GDPD5: variants seen among roughly 807,000 people sequenced by gnomAD.
The protein encoded by GDPD5 is glycerophosphodiester phosphodiesterase 2.
In GDPD5, 48 loss-of-function variants were observed where a neutral mutation model predicts 75.1. The ratio of observed to expected loss-of-function variants is 0.64; its 90% CI spans 0.51 to 0.81. GDPD5 has a LOEUF of 0.81. Ranked by LOEUF, GDPD5 falls within the 40% of genes least tolerant of loss-of-function variation. The pLI is 0.00. For missense variants in GDPD5, 706 were observed against 822.6 expected (o/e 0.86, Z 1.73); for synonymous variants, 336 against 339.0 (o/e 0.99, Z 0.10).
chr11:75,442,672 G>C, intron 11 of GDPD5, 91 bp from the exon 12 acceptor site: 1 of 1,166,640 alleles, frequency 8.6e-7, no homozygotes, highest in African/African-American at 1.5e-5. Flanking sequence ...GGAGACCCCT[G>C]GGCTGCCAGA....
rs367897649 is a variant in GDPD5 at position 75,441,850 on chromosome 11, C to T, written c.1168-47G>A. On this transcript the variant is annotated intron_variant, in intron 12 of 16. Coordinates refer to ENST00000336898, the MANE Select transcript of GDPD5 (RefSeq NM_030792.8). ...CCTCAGACTTCTCTTCTGCACGATG[C>T]GTAAGAGTACCTACTCCTCCTAGAG... The T allele has an allele frequency of 1.5e-5, 24 of 1,549,366 alleles. No individual in the cohort carries two copies. The African/African-American group carries it at 2.2e-4, about 14-fold the overall frequency.
chr11:75,484,120 G>A (rs961776734), intron 2 of GDPD5, among the ~76,000 whole-genome samples: 6 of 152,154 alleles, frequency 3.9e-5, no homozygotes, highest in Non-Finnish European at 8.8e-5. Context: ...CCCAGGAGGC[G>A]GAGGTTGCAG....
chr11:75,483,740 A>G (rs1453513267), intron 2 of GDPD5, among the ~76,000 whole-genome samples: 3 of 152,238 alleles, frequency 2.0e-5, no homozygotes, highest in African/African-American at 7.2e-5. Context: ...ACTTCACAAA[A>G]GGCCACATAT....
chr11:75,519,316 C>G lies in GDPD5; in HGVS notation c.-145+5894G>C, dbSNP rs552102711. ...ACCACCTCCAGGAAGGCTTCCCTGA[C>G]TCCCCTCCCCACCCAGCGCCGGGCA... On this transcript the variant is annotated intron_variant, in intron 1 of 16. Coordinates refer to ENST00000336898, the MANE Select transcript of GDPD5 (RefSeq NM_030792.8). Among the ~76,000 whole-genome samples the G allele has an allele frequency of 1.2e-3, 182 of 152,282 alleles. 1 individual carries two copies. The highest frequency in any genetic ancestry group is 4.3e-3 in the African/African-American group (180 of 41,548).
intron 3 of GDPD5, among the ~76,000 whole-genome samples, chr11:75,472,579 A>G (rs1469075326): frequency 6.6e-6 from 1 of 152,052 alleles, no homozygotes; most frequent in East Asian, 1.9e-4. Flanking sequence ...CAGCACCAAG[A>G]ACACAGCACA....
chr11:75,453,995 A>C (rs1365647679), intron 6 of GDPD5, among the ~76,000 whole-genome samples: 1 of 152,226 alleles, frequency 6.6e-6, no homozygotes, highest in Non-Finnish European at 1.5e-5. Flanking sequence ...CACAAAACCA[A>C]GGAGTCATCA....
At chr11:75,521,841 T>A (rs1941470063) in intron 1 of GDPD5, among the ~76,000 whole-genome samples, 1 of 151,876 alleles carries the variant, frequency 6.6e-6, no homozygotes, top group African/African-American at 2.4e-5. Context: ...TGTGGTGTGT[T>A]TAGGAGACAG....
chr11:75,439,495 C>T, intron 15 of GDPD5: 1 of 397,738 alleles, frequency 2.5e-6, no homozygotes, highest in Non-Finnish European at 5.1e-6. Context: ...GGGTGGGGGC[C>T]CCAGGCTGGC....
chr11:75,487,457 C>T (rs1038600118), intron 2 of GDPD5, among the ~76,000 whole-genome samples: 4 of 152,192 alleles, frequency 2.6e-5, no homozygotes, highest in African/African-American at 9.6e-5. Flanking sequence ...GCAGGTGGGG[C>T]CTGTGCCACC....
chr11:75,522,780 G>A (rs1033435034), intron 1 of GDPD5, among the ~76,000 whole-genome samples: 4 of 152,056 alleles, frequency 2.6e-5, no homozygotes, highest in East Asian at 1.9e-4. Flanking sequence ...CCCAGCTGAG[G>A]GGAGTATTAA....
chr11:75,475,194 T>C (rs1236252304), intron 3 of GDPD5, among the ~76,000 whole-genome samples: 1 of 152,234 alleles, frequency 6.6e-6, no homozygotes, highest in Non-Finnish European at 1.5e-5. Context: ...CTCTCCCACC[T>C]TTCAGCCCAT....
At chr11:75,453,388 G>A (rs375777342) in intron 6 of GDPD5, among the ~76,000 whole-genome samples, 1 of 152,176 alleles carries the variant, frequency 6.6e-6, no homozygotes, top group South Asian at 2.1e-4. Flanking sequence ...GGAGGCCGAG[G>A]TGGGCGGATC....
In GDPD5 at chr11:75,453,616, T is replaced by TAAAAA. The variant is rs59758693; in HGVS notation, c.375+3136_375+3140dup. Reference sequence around the variant, plus strand: ...CTGGGCGACACAGCAAGACTGTCTCTAAAAAAAAAAAAAAAAATACAAACA... The same window carrying TAAAAA: ...CTGGGCGACACAGCAAGACTGTCTCTAAAAAAAAAAAAAAAAAAAAAATACAAACA... On this transcript the variant is annotated intron_variant, in intron 6 of 16. Transcript: ENST00000336898. Among the ~76,000 whole-genome samples, 1,324 of 136,828 alleles carry TAAAAA rather than the reference T, an allele frequency of 9.7e-3. 20 individuals carry two copies. Among genetic ancestry groups the TAAAAA allele is most frequent in the African/African-American group, 0.035 (1,282 of 36,420 alleles). The allele number at this position is 136,828 out of a possible 152,430, so 89.8% of individuals were successfully genotyped here. A position where few individuals can be genotyped will look rare whatever the true frequency, so the allele number is the denominator to read the frequency against.
chr11:75,462,962 GTCC>G (rs1447451092), intron 3 of GDPD5, 73 bp from the exon 4 acceptor site: 22 of 1,208,278 alleles, frequency 1.8e-5, no homozygotes, highest in Non-Finnish European at 2.6e-5. Context: ...ACCAGAATGT[GTCC>G]TCCTCCCTCC....
chr11:75,505,364 C>T (rs1486288794), intron 1 of GDPD5, among the ~76,000 whole-genome samples: 2 of 146,604 alleles, frequency 1.4e-5, no homozygotes, highest in Non-Finnish European at 3.0e-5. Context: ...CCCTCCAGAT[C>T]ACCACCTAAA....
At position 75,443,228 on chromosome 11, in the gene GDPD5, C is replaced by T. The variant is rs1362174775; in HGVS notation, c.856G>A (p.Glu286Lys). The T allele has an allele frequency of 5.0e-6, 8 of 1,608,704 alleles. No homozygotes were observed. The highest frequency in any genetic ancestry group is 1.1e-5 in the South Asian group (1 of 89,548). The change falls in exon 11 of 17, where the codon GAG (glutamate) becomes AAG (lysine). Residue 286 changes from glutamate to lysine, a missense_variant. Physicochemically the swap from Glu to Lys is moderately conservative, Grantham distance 56 (BLOSUM62 1). Coordinates refer to ENST00000336898, the MANE Select transcript of GDPD5 (RefSeq NM_030792.8). ...DTTLRRTTNV[E>K]EEFPELARRP... ...CGGGCCAGCTCCGGGAACTCCTCCT[C>T]CACGTTGGTGGTGCGCCGCAGGGTG... is the stretch of plus-strand genomic sequence containing the variant.
chr11:75,442,563 C>T lies in GDPD5; in HGVS notation c.967G>A (p.Ala323Thr). 1.2e-6 allele frequency: 2 copies of T among 1,614,124 alleles called. No homozygotes were observed. Among genetic ancestry groups the T allele is most frequent in the Non-Finnish European group, 1.7e-6 (2 of 1,180,038 alleles). The change falls in exon 12 of 17, where the codon GCC (alanine) becomes ACC (threonine). Residue 323 changes from alanine to threonine, a missense_variant. Coordinates refer to ENST00000336898, the MANE Select transcript of GDPD5 (RefSeq NM_030792.8). ...TGGTCGGAGGGTGACAGGGAGCTGG[C>T]TGTCCAGAAGGGGTCAGTCTGGCAG... ...WFLKTDPFWT[A>T]SSLSPSDHRE...
chr11:75,482,241 G>C (rs1355005590), intron 2 of GDPD5, among the ~76,000 whole-genome samples: 2 of 152,146 alleles, frequency 1.3e-5, no homozygotes, highest in Non-Finnish European at 2.9e-5. Flanking sequence ...GCTGATACTG[G>C]CTCTCAGAGT....
At chr11:75,477,376 A>G (rs969821357) in intron 3 of GDPD5, among the ~76,000 whole-genome samples, 6 of 152,204 alleles carry the variant, frequency 3.9e-5, no homozygotes, top group African/African-American at 1.4e-4. Context: ...GAGGAGCCCA[A>G]CCTCAACAAT....
Sources: gnomAD v4.1 joint callset for allele counts (sites outside exome capture counted in the v4.1 genomes callset) on GRCh38, gnomAD v4.1.1 for gene constraint, MANE v1.5 for transcripts, NCBI Gene and HGNC (gene_info 2026-07-23, HGNC 2026-07-21) for gene names.